Variants in RFX4 observed in about 807,000 individuals in gnomAD.
RFX4 encodes the protein transcription factor RFX4.
Under a neutral mutation model 95.0 loss-of-function variants are expected in RFX4, and 10 were observed. The ratio of observed to expected loss-of-function variants is 0.11; its 90% CI spans 0.06 to 0.18. The LOEUF (loss-of-function observed/expected upper bound fraction) is 0.18, where lower values mean the gene tolerates loss of function less well. Ranked by LOEUF, RFX4 falls within the 10% of genes least tolerant of loss-of-function variation. The pLI is 1.00. For synonymous variants in RFX4, 321 were observed against 340.7 expected (o/e 0.94, Z 0.64); for missense variants, 640 against 922.0 (o/e 0.69, Z 3.96).
chr12:106,605,004 G>A (rs989764936), intron 1 of RFX4, among the ~76,000 whole-genome samples: 3 of 152,134 alleles, frequency 2.0e-5, no homozygotes, highest in African/African-American at 4.8e-5. Context: ...GACTTTGGAC[G>A]AGTCACTGAA....
chr12:106,742,268 C>T (rs142941523), intron 15 of RFX4, among the ~76,000 whole-genome samples: 1 of 152,258 alleles, frequency 6.6e-6, no homozygotes, highest in African/African-American at 2.4e-5. Flanking sequence ...CTCACTGCAG[C>T]CTCCACCTCC....
intron 2 of RFX4, among the ~76,000 whole-genome samples, chr12:106,636,082 A>G (rs564879907): frequency 6.6e-6 from 1 of 152,338 alleles, no homozygotes; most frequent in South Asian, 2.1e-4. Flanking sequence ...CAGATGACTG[A>G]GATACCACCC....
intron 8 of RFX4, among the ~76,000 whole-genome samples, chr12:106,707,656 A>AGC (rs1379003975): frequency 1.3e-5 from 2 of 152,074 alleles, no homozygotes; most frequent in Non-Finnish European, 2.9e-5. Context: ...TGAGGTCAGG[A>AGC]GCGGGGTGAG....
chr12:106,635,426 C>T (rs893917939), intron 2 of RFX4, among the ~76,000 whole-genome samples: 7 of 151,958 alleles, frequency 4.6e-5, no homozygotes, highest in Admixed American at 1.3e-4. Flanking sequence ...GACTCTTGTG[C>T]CTTAGCCACC....
intron 13 of RFX4, among the ~76,000 whole-genome samples, chr12:106,731,775 TGCCGAAGAGA>T (rs1465288680): frequency 6.6e-6 from 1 of 152,020 alleles, no homozygotes; most frequent in Non-Finnish European, 1.5e-5. Flanking sequence ...TGTTAATAAA[TGCCGAAGAGA>T]GTGAGCGGTG....
chr12:106,726,648 C>A, intron 13 of RFX4, among the ~76,000 whole-genome samples: 1 of 152,082 alleles, frequency 6.6e-6, no homozygotes, highest in Non-Finnish European at 1.5e-5. Flanking sequence ...AACACATACA[C>A]AAATTAGTTT....
intron 2 of RFX4, among the ~76,000 whole-genome samples, chr12:106,620,369 G>A (rs971247574): frequency 2.6e-5 from 4 of 152,174 alleles, no homozygotes; most frequent in African/African-American, 7.2e-5. Flanking sequence ...CACTGGGGGT[G>A]ACATCACATA....
At chr12:106,724,621 CTA>C (rs2042455768) in intron 13 of RFX4, among the ~76,000 whole-genome samples, 2 of 152,044 alleles carry the variant, frequency 1.3e-5, no homozygotes, top group Non-Finnish European at 2.9e-5. Flanking sequence ...GAACTGTCAA[CTA>C]TTATTCAAGA....
intron 10 of RFX4, 52 bp from the exon 11 acceptor site, chr12:106,715,348 G>T: frequency 6.3e-7 from 1 of 1,580,860 alleles, no homozygotes; most frequent in South Asian, 1.1e-5. Flanking sequence ...GAAATACAGT[G>T]AAAGGGTTTT....
Position 106,689,268 on chromosome 12 carries a change from C to A in RFX4, c.592-19C>A, listed in dbSNP as rs750512925. 2.5e-6 allele frequency: 4 copies of A among 1,589,120 alleles called. No homozygotes were observed. The African/African-American group carries it at 4.0e-5, about 16-fold the overall frequency. On this transcript the variant is annotated intron_variant, in intron 6 of 17. Coordinates refer to ENST00000392842, the MANE Select transcript of RFX4 (RefSeq NM_213594.3). Reference sequence around the variant, plus strand: ...ATTAATGTATGTCTTTGTTGTTGATCCTCTACACACCCCCACAGGTTTCTA... The same window carrying A: ...ATTAATGTATGTCTTTGTTGTTGATACTCTACACACCCCCACAGGTTTCTA...
chr12:106,684,226 G>T (rs932124851), intron 5 of RFX4, among the ~76,000 whole-genome samples: 1 of 152,106 alleles, frequency 6.6e-6, no homozygotes, highest in African/African-American at 2.4e-5. Flanking sequence ...AATTAGCCGG[G>T]CATGGTGGCA....
At chr12:106,689,046 C>T (rs533045827) in intron 6 of RFX4, among the ~76,000 whole-genome samples, 5 of 152,198 alleles carry the variant, frequency 3.3e-5, no homozygotes, top group Non-Finnish European at 5.9e-5. Context: ...GAGAAACCAG[C>T]GCATTCCGTA....
At chr12:106,583,423 G>C in intron 1 of RFX4, 60 bp downstream of exon 1, 205 of 1,400,280 alleles carry the variant, frequency 1.5e-4, no homozygotes, top group Non-Finnish European at 1.8e-4. Flanking sequence ...GGGAGAGGGG[G>C]AACTTTAGAA....
At chr12:106,598,138 A>G (rs987402024) in intron 1 of RFX4, among the ~76,000 whole-genome samples, 3 of 152,194 alleles carry the variant, frequency 2.0e-5, no homozygotes, top group Non-Finnish European at 2.9e-5. Context: ...AGTAAGTATT[A>G]AGCCTAGAAT....
intron 2 of RFX4, among the ~76,000 whole-genome samples, chr12:106,622,053 T>A (rs1592860693): frequency 6.6e-6 from 1 of 152,150 alleles, no homozygotes; most frequent in East Asian, 1.9e-4. Context: ...TCAACAACTC[T>A]TAGACAAGGA....
At chr12:106,626,550 G>A (rs1475433829) in intron 2 of RFX4, among the ~76,000 whole-genome samples, 14 of 152,188 alleles carry the variant, frequency 9.2e-5, no homozygotes, top group Admixed American at 9.2e-4. Context: ...AGGTGCCACT[G>A]AAGGAGCTGG....
chr12:106,607,029 G>A (rs1415599967), intron 1 of RFX4, among the ~76,000 whole-genome samples: 1 of 152,168 alleles, frequency 6.6e-6, no homozygotes, highest in African/African-American at 2.4e-5. Flanking sequence ...GAGTTGTTGT[G>A]AGGACTCAAT....
intron 8 of RFX4, among the ~76,000 whole-genome samples, chr12:106,700,545 T>A (rs1000018435): frequency 2.3e-4 from 35 of 151,010 alleles, no homozygotes; most frequent in African/African-American, 6.6e-4. Flanking sequence ...TAGCTGGGAC[T>A]ACAGGCGCCA....
chr12:106,621,745 C>G (rs2040189827), intron 2 of RFX4, among the ~76,000 whole-genome samples: 1 of 152,160 alleles, frequency 6.6e-6, no homozygotes, highest in Admixed American at 6.5e-5. Context: ...CTCCTTAGCT[C>G]AATAGACTAT....
Sources: allele counts gnomAD v4.1 joint callset (sites outside exome capture counted in the v4.1 genomes callset), GRCh38; gene constraint gnomAD v4.1.1; transcripts MANE v1.5; gene names NCBI Gene and HGNC (gene_info 2026-07-23, HGNC 2026-07-21).